The following CNTNAP3 variants were observed in gnomAD, a reference collection of about 807,000 sequenced individuals.
CNTNAP3 encodes contactin associated protein family member 3.
Under a neutral mutation model 92.1 loss-of-function variants are expected in CNTNAP3, and 36 were observed. The ratio of observed to expected loss-of-function variants is 0.39; its 90% CI spans 0.30 to 0.52. The LOEUF (loss-of-function observed/expected upper bound fraction) is 0.52, where lower values mean the gene tolerates loss of function less well. Ranked by LOEUF, CNTNAP3 falls within the 20% of genes least tolerant of loss-of-function variation. The pLI is 0.76. For missense variants in CNTNAP3, 534 were observed against 1,069.6 expected, an observed-to-expected ratio of 0.50 and a Z score of 6.98; for synonymous variants, 232 against 422.3, an observed-to-expected ratio of 0.55 and a Z score of 5.53.
chr9:39,113,221 T>C (rs1382364065), intron 14 of CNTNAP3, among the ~76,000 whole-genome samples: 2 of 152,120 alleles, frequency 1.3e-5, no homozygotes, highest in South Asian at 2.1e-4. Flanking sequence ...TCACCCCCGA[T>C]TGAGAACTAC....
chr9:39,130,537 C>T (rs1821259594), intron 13 of CNTNAP3, among the ~76,000 whole-genome samples: 1 of 126,292 alleles, frequency 7.9e-6, no homozygotes, highest in Admixed American at 9.8e-5. Context: ...CGGAGTCTTG[C>T]TCTGTCGCCC....
chr9:39,079,526 T>C (rs1825880248), intron 21 of CNTNAP3, among the ~76,000 whole-genome samples: 1 of 152,052 alleles, frequency 6.6e-6, no homozygotes, highest in Admixed American at 6.6e-5. Context: ...CTGCTAGTTC[T>C]TGGCATGCCC....
intron 4 of CNTNAP3, among the ~76,000 whole-genome samples, chr9:39,180,490 GAA>G (rs907095518): frequency 9.6e-6 from 1 of 103,928 alleles, no homozygotes; most frequent in African/African-American, 3.6e-5. Flanking sequence ...CAATGACCTT[GAA>G]ACTCTTTTGT....
Position 39,067,625 on chromosome 9 carries a change from CG to C in CNTNAP3, c.*6264del, listed in dbSNP as rs1465166128. ...TGTTAGCAGGATGGTCTCCATCTCC[CG>C]ACCTCGTGATCTGCCTGCCTCGACC... On this transcript the variant is annotated 3_prime_UTR_variant, in exon 24 of 24. Coordinates refer to ENST00000297668, the MANE Select transcript of CNTNAP3 (RefSeq NM_033655.5). 1.3e-5 allele frequency among the ~76,000 whole-genome samples: 2 copies of C among 152,414 alleles called. No homozygotes were observed. The highest frequency in any genetic ancestry group is 6.5e-5 in the Admixed American group (1 of 15,312).
At chr9:39,138,288 A>G (rs1758278) in intron 12 of CNTNAP3, among the ~76,000 whole-genome samples, 18 of 152,250 alleles carry the variant, frequency 1.2e-4, no homozygotes, top group African/African-American at 2.6e-4. Context: ...GAAAGGTTCT[A>G]TAGCCCTGTG....
chr9:39,142,213 T>A (rs1007720356), intron 11 of CNTNAP3, among the ~76,000 whole-genome samples: 4 of 152,106 alleles, frequency 2.6e-5, no homozygotes, highest in Non-Finnish European at 4.4e-5. Flanking sequence ...GTGGTGGATA[T>A]AAATTTGCCA....
At chr9:39,124,169 G>A (rs2118001874) in intron 13 of CNTNAP3, among the ~76,000 whole-genome samples, 1 of 152,146 alleles carries the variant, frequency 6.6e-6, no homozygotes, top group African/African-American at 2.4e-5. Flanking sequence ...TGGAAATGCT[G>A]TGTTATAAAG....
intron 13 of CNTNAP3, 64 bp downstream of exon 13, chr9:39,132,868 C>T (rs1010313709): frequency 3.5e-5 from 52 of 1,483,972 alleles, no homozygotes; most frequent in Non-Finnish European, 4.4e-5. Flanking sequence ...TCAAACGCAT[C>T]TCGCAGCCCG....
intron 21 of CNTNAP3, chr9:39,085,462 A>G (rs1826043711): frequency 4.5e-6 from 2 of 441,184 alleles, no homozygotes; most frequent in Non-Finnish European, 8.1e-6. Context: ...ACTTTTCAAG[A>G]AGGATTAGAA....
chr9:39,118,105 T>C lies in CNTNAP3; in HGVS notation c.2235A>G (p.Glu745=), dbSNP rs771474612. ...CAGGGAAATCATGTGGAAATCACCA[T>C]TCATTCCGGCCAGCATCACAGTTGC... ...YYCNCDAGRN[E]WTSDTIVLSQ... is the part of the protein sequence containing the mutation. The change falls in exon 14 of 24, where the codon GAA becomes GAG. Residue 745 remains glutamate (E), a splice_region_variant and synonymous_variant. Transcript: ENST00000297668. 1.2e-5 allele frequency: 19 copies of C among 1,604,674 alleles called. No homozygotes were observed. The South Asian group carries it at 1.3e-4, about 11-fold the overall frequency.
chr9:39,122,193 A>C (rs981019045), intron 13 of CNTNAP3, among the ~76,000 whole-genome samples: 16 of 152,080 alleles, frequency 1.1e-4, no homozygotes, highest in African/African-American at 3.6e-4. Flanking sequence ...TATCTACTAA[A>C]AATAGAAAAA....
At chr9:39,108,124 T>C (rs556036572) in intron 15 of CNTNAP3, among the ~76,000 whole-genome samples, 9 of 152,076 alleles carry the variant, frequency 5.9e-5, no homozygotes, top group African/African-American at 9.7e-5. Flanking sequence ...AATATTTGCA[T>C]TGGTTCCCCC....
intron 12 of CNTNAP3, among the ~76,000 whole-genome samples, chr9:39,139,064 T>TGA (rs1326473870): frequency 6.6e-6 from 1 of 152,182 alleles, no homozygotes; most frequent in Admixed American, 6.5e-5. Flanking sequence ...CATTATTGCT[T>TGA]GATTTGTACA....
At chr9:39,093,185 T>C (rs1805538663) in intron 18 of CNTNAP3, among the ~76,000 whole-genome samples, 1 of 120,298 alleles carries the variant, frequency 8.3e-6, no homozygotes, top group African/African-American at 3.1e-5. Flanking sequence ...TTGATTGGGT[T>C]GCTCAATCGA....
intron 14 of CNTNAP3, among the ~76,000 whole-genome samples, chr9:39,110,304 G>A (rs1249496555): frequency 6.6e-6 from 1 of 152,104 alleles, no homozygotes; most frequent in Non-Finnish European, 1.5e-5. Context: ...GCTGAGGTGG[G>A]AGGATCCCTT....
At chr9:39,116,806 C>T (rs1176708820) in intron 14 of CNTNAP3, among the ~76,000 whole-genome samples, 1 of 151,862 alleles carries the variant, frequency 6.6e-6, no homozygotes, top group Admixed American at 6.6e-5. Context: ...TGAGTTTTCC[C>T]AACTTCACAA....
At chr9:39,140,975 T>A (rs970785356) in intron 11 of CNTNAP3, among the ~76,000 whole-genome samples, 2 of 152,166 alleles carry the variant, frequency 1.3e-5, no homozygotes, top group African/African-American at 4.8e-5. Context: ...GTGCTTACAG[T>A]GGGAATGCGA....
At chr9:39,101,421 T>C (rs1826452761) in intron 17 of CNTNAP3, among the ~76,000 whole-genome samples, 1 of 150,720 alleles carries the variant, frequency 6.6e-6, no homozygotes, top group African/African-American at 2.4e-5. Flanking sequence ...AGAGCTTTAA[T>C]CTGTGTAGCT....
intron 9 of CNTNAP3, among the ~76,000 whole-genome samples, chr9:39,150,868 A>G (rs903466948): frequency 3.9e-5 from 5 of 126,944 alleles, no homozygotes; most frequent in Non-Finnish European, 6.6e-5. Context: ...AAACAAGAAC[A>G]GTACTTATAA....
Sources: allele counts gnomAD v4.1 joint callset (sites outside exome capture counted in the v4.1 genomes callset), GRCh38; gene constraint gnomAD v4.1.1; transcripts MANE v1.5; gene names NCBI Gene and HGNC (gene_info 2026-07-23, HGNC 2026-07-21).